ASCC3: variants seen among roughly 807,000 people sequenced by gnomAD.
The protein encoded by ASCC3 is ASC-1 complex subunit P200.
ASCC3 carries 158 observed loss-of-function variants against 256.3 expected under a neutral mutation model. The ratio of observed to expected loss-of-function variants is 0.62; its 90% CI spans 0.54 to 0.70. ASCC3 has a LOEUF of 0.70. ASCC3 is among the 30% of genes least tolerant of loss of function. The pLI, the probability that ASCC3 is intolerant of heterozygous loss-of-function variation, is 0.00. For synonymous variants in ASCC3, 948 were observed against 883.4 expected (o/e 1.07, Z -1.30); for missense variants, 2,259 against 2,626.0 (o/e 0.86, Z 3.05).
chr6:100,796,550 T>C (rs572497144), intron 8 of ASCC3, among the ~76,000 whole-genome samples: 4 of 152,172 alleles, frequency 2.6e-5, no homozygotes, highest in East Asian at 3.9e-4. Context: ...CCTAACCTGA[T>C]AGGGCTGGTG....
intron 4 of ASCC3, among the ~76,000 whole-genome samples, chr6:100,818,447 A>T (rs1433513568): frequency 6.6e-6 from 1 of 151,712 alleles, no homozygotes; most frequent in East Asian, 1.9e-4. Flanking sequence ...GGCACCTCTA[A>T]TCCCAGCTAC....
At chr6:100,638,284 T>C (rs1044911060) in intron 25 of ASCC3, among the ~76,000 whole-genome samples, 6 of 152,220 alleles carry the variant, frequency 3.9e-5, no homozygotes, top group African/African-American at 1.4e-4. Flanking sequence ...TTTTCAAATT[T>C]AGCTATGTAT....
intron 4 of ASCC3, among the ~76,000 whole-genome samples, chr6:100,820,293 A>G (rs951130549): frequency 8.4e-5 from 5 of 59,178 alleles, no homozygotes; most frequent in Admixed American, 2.2e-4. Context: ...ATGAGGATAC[A>G]CAGACAAATC....
intron 34 of ASCC3, among the ~76,000 whole-genome samples, chr6:100,596,841 C>T (rs1281567123): frequency 1.3e-5 from 2 of 152,104 alleles, no homozygotes; most frequent in South Asian, 2.1e-4. Flanking sequence ...TCATCCAGAA[C>T]GAAAGTCAAA....
chr6:100,714,188 C>T (rs2115019071), intron 13 of ASCC3, among the ~76,000 whole-genome samples: 1 of 152,276 alleles, frequency 6.6e-6, no homozygotes. Flanking sequence ...CAACAGAAAA[C>T]ATAAGGCCCA....
At chr6:100,531,966 G>A (rs1582399200) in intron 37 of ASCC3, among the ~76,000 whole-genome samples, 1 of 151,856 alleles carries the variant, frequency 6.6e-6, no homozygotes, top group African/African-American at 2.4e-5. Context: ...TTAGGCATGA[G>A]GGTTTATTTT....
At chr6:100,628,916 G>T in intron 27 of ASCC3, 99 bp downstream of exon 27, 3 of 1,148,816 alleles carry the variant, frequency 2.6e-6, no homozygotes, top group Non-Finnish European at 3.7e-6. Context: ...TTGTGCCCTA[G>T]AAATATATAT....
At chr6:100,757,074 A>G (rs1038394648) in intron 10 of ASCC3, among the ~76,000 whole-genome samples, 4 of 152,172 alleles carry the variant, frequency 2.6e-5, no homozygotes, top group African/African-American at 9.6e-5. Flanking sequence ...AGATCTTTTG[A>G]TGTAATGAAA....
intron 4 of ASCC3, among the ~76,000 whole-genome samples, chr6:100,807,550 A>G (rs570910979): frequency 1.3e-5 from 2 of 152,036 alleles, no homozygotes; most frequent in African/African-American, 4.8e-5. Context: ...TTCTGGTGAC[A>G]TTTGTACTGA....
chr6:100,608,977 T>C (rs1582555008), intron 30 of ASCC3, among the ~76,000 whole-genome samples: 1 of 149,934 alleles, frequency 6.7e-6, no homozygotes, highest in East Asian at 2.0e-4. Context: ...TTAGCCAGGA[T>C]GGTCTCGATC....
intron 3 of ASCC3, among the ~76,000 whole-genome samples, chr6:100,849,146 T>A (rs1158406697): frequency 6.6e-6 from 1 of 152,082 alleles, no homozygotes; most frequent in African/African-American, 2.4e-5. Context: ...ATAGCCAATT[T>A]AAGGAGCAGG....
chr6:100,674,333 T>G (rs1325766178), intron 14 of ASCC3, among the ~76,000 whole-genome samples: 4 of 151,984 alleles, frequency 2.6e-5, no homozygotes, highest in African/African-American at 9.7e-5. Context: ...TTCTTCTTGC[T>G]TATTTTCTTC....
At chr6:100,808,687 A>G (rs1316219002) in intron 4 of ASCC3, among the ~76,000 whole-genome samples, 2 of 151,914 alleles carry the variant, frequency 1.3e-5, no homozygotes, top group East Asian at 3.9e-4. Context: ...AACTTCTATT[A>G]TTATTGTTAT....
At chr6:100,808,983 AC>A (rs1770323809) in intron 4 of ASCC3, among the ~76,000 whole-genome samples, 4 of 152,112 alleles carry the variant, frequency 2.6e-5, no homozygotes, top group Non-Finnish European at 4.4e-5. Context: ...AAACTACTGT[AC>A]AAAAGATAAA....
intron 11 of ASCC3, among the ~76,000 whole-genome samples, chr6:100,721,759 TC>T (rs1178470491): frequency 3.3e-5 from 5 of 151,120 alleles, no homozygotes; most frequent in African/African-American, 1.2e-4. Flanking sequence ...ACTGAAGAAA[TC>T]ACTTTTTAAT....
rs116078901 is a variant in ASCC3 at position 100,557,194 on chromosome 6, C to T, written c.5551-16807G>A. Among the ~76,000 whole-genome samples the T allele has an allele frequency of 6.6e-3, 1,002 of 152,096 alleles. 18 individuals carry two copies. The highest frequency in any genetic ancestry group is 0.023 in the African/African-American group (953 of 41,476). On this transcript the variant is annotated intron_variant, in intron 36 of 41. Coordinates refer to ENST00000369162, the MANE Select transcript of ASCC3 (RefSeq NM_006828.4). ...CAACATTTATTTTTGTTACATGCTC[C>T]GTTGTGATTGCTCTTCTTTTTCCAG... is the stretch of plus-strand genomic sequence containing the variant.
intron 3 of ASCC3, among the ~76,000 whole-genome samples, chr6:100,855,612 A>G (rs1772907368): frequency 6.6e-6 from 1 of 152,198 alleles, no homozygotes; most frequent in African/African-American, 2.4e-5. Flanking sequence ...ATGCTGTCCA[A>G]TGTTACCTTC....
intron 13 of ASCC3, among the ~76,000 whole-genome samples, chr6:100,699,288 T>C (rs767396801): frequency 3.3e-5 from 5 of 152,154 alleles, no homozygotes; most frequent in Non-Finnish European, 5.9e-5. Context: ...GTTCTTGTGA[T>C]AGTGAATAAG....
At chr6:100,724,773 A>G (rs904644941) in intron 11 of ASCC3, among the ~76,000 whole-genome samples, 3 of 151,948 alleles carry the variant, frequency 2.0e-5, no homozygotes, top group African/African-American at 7.2e-5. Flanking sequence ...ACGGCATGAC[A>G]GGGTGATGAA....
Sources: gnomAD v4.1 joint callset for allele counts (sites outside exome capture counted in the v4.1 genomes callset) on GRCh38, gnomAD v4.1.1 for gene constraint, MANE v1.5 for transcripts, NCBI Gene and HGNC (gene_info 2026-07-23, HGNC 2026-07-21) for gene names.